CACNA1F: variants seen among roughly 807,000 people sequenced by gnomAD.
The protein encoded by CACNA1F is voltage-dependent L-type calcium channel subunit alpha-1F.
A neutral mutation model predicts 143.8 loss-of-function variants in CACNA1F; 59 were observed. The observed-to-expected ratio is 0.41, with a 90% CI of 0.33 to 0.51. The LOEUF (loss-of-function observed/expected upper bound fraction) is 0.51. Among genes scored for constraint, CACNA1F ranks in the 20% least tolerant of loss-of-function variants. The pLI is 0.22. For synonymous variants in CACNA1F, 643 were observed against 649.1 expected, an observed-to-expected ratio of 0.99 and a Z score of 0.14; for missense variants, 1,411 against 1,647.5, an observed-to-expected ratio of 0.86 and a Z score of 2.48.
intron 18 of CACNA1F, among the ~76,000 whole-genome samples, chrX:49,220,807 G>T (rs985143559): frequency 3.6e-5 from 4 of 111,759 alleles, no homozygotes; most frequent in Non-Finnish European, 7.5e-5. Context: ...GTGTGGTGGC[G>T]CATGCCTGTA....
intron 2 of CACNA1F, 143 bp downstream of exon 2, chrX:49,231,535 T>C: frequency 1.2e-6 from 1 of 824,102 alleles, no homozygotes; most frequent in Non-Finnish European, 1.8e-6. Flanking sequence ...ACCTTTGCCT[T>C]TCTGAACCTG....
At position 49,228,364 on chromosome X, in the gene CACNA1F, C is replaced by T; in HGVS notation, c.901G>A (p.Gly301Arg). ...CCTCCATTGGGCCCTGGCCAGCGCC[C>T]GCGGCACTCAGTCTGGTTCAGCGTG... Reference protein sequence around the residue: ...ACTLNQTECRGRWPGPNGGIT... With the variant: ...ACTLNQTECRRRWPGPNGGIT... Residue 301 changes from glycine to arginine, a missense_variant, in exon 7 of 48, where the codon GGG becomes AGG. By Grantham distance (125) the Gly-to-Arg change is moderately radical. This residue lies in a region of CACNA1F where 950 missense variants were observed against 1,128.1 expected (regional missense o/e 0.84). Coordinates refer to ENST00000323022, the MANE Select transcript of CACNA1F (RefSeq NM_001256789.3). The T allele has an allele frequency of 1.7e-6, 2 of 1,210,530 alleles. No homozygotes were observed. Among genetic ancestry groups the T allele is most frequent in the Middle Eastern group, 2.3e-4 (1 of 4,353 alleles).
In CACNA1F at chrX:49,208,521, G is replaced by T. The variant is rs1557105425; in HGVS notation, c.5117C>A (p.Thr1706Asn). 1 of 1,206,226 alleles carries T rather than the reference G, an allele frequency of 8.3e-7. No homozygotes were observed. Among genetic ancestry groups the T allele is most frequent in the East Asian group, 3.0e-5 (1 of 33,688 alleles). Reference protein sequence around the residue: ...QPSVPQAGSNTHRRGSGALIF... With the variant: ...QPSVPQAGSNNHRRGSGALIF... ...TCCAGACACTTGATAATACCTGTGG[G>T]TGTTGGATCCAGCCTGGGGCACACT... The change falls in exon 43 of 48, where the codon ACC becomes AAC. Residue 1706 changes from threonine to asparagine, a missense_variant. By Grantham distance (65) the Thr-to-Asn change is moderately conservative. Coordinates refer to ENST00000323022, the MANE Select transcript of CACNA1F (RefSeq NM_001256789.3).
Position 49,214,152 on chromosome X carries a change from G to A in CACNA1F, c.3708+7C>T, listed in dbSNP as rs782716515. On this transcript the variant is annotated splice_region_variant and intron_variant, in intron 30 of 47. Coordinates refer to ENST00000323022, the MANE Select transcript of CACNA1F (RefSeq NM_001256789.3). ...ACTGGTGGGTGGGGCTAGAGAAGGG[G>A]GGCCACCTTGGGCTTGAAGGCGATG... 6.3e-5 allele frequency: 71 copies of A among 1,121,047 alleles called. No homozygotes were observed. In the South Asian group the frequency reaches 1.2e-3, roughly 20 times the overall value. 92.4% of individuals were successfully genotyped at this position (1,121,047 alleles called of 1,213,427 possible). A position where few individuals can be genotyped will look rare whatever the true frequency, so the allele number is the denominator to read the frequency against.
rs191278339 is a variant in CACNA1F, at chrX:49,222,348, G to A, written c.2288+174C>T. ...TCCTCAGCATCTAGAACAGGACCTG[G>A]CACACAGTAGGCAGTCAATAGATGC... is the stretch of plus-strand genomic sequence containing the variant. On this transcript the variant is annotated intron_variant, in intron 17 of 47. Coordinates refer to ENST00000323022, the MANE Select transcript of CACNA1F (RefSeq NM_001256789.3). 6.2e-4 allele frequency: 292 copies of A among 472,736 alleles called. 1 individual carries two copies. The highest frequency in any genetic ancestry group is 5.9e-3 in the African/African-American group (250 of 42,432). 39.0% of individuals were successfully genotyped at this position (472,736 alleles called of 1,213,427 possible). A position where few individuals can be genotyped will look rare whatever the true frequency, so the allele number is the denominator to read the frequency against.
At chrX:49,216,649 T>A in intron 26 of CACNA1F, 121 bp from the exon 27 acceptor site, 1 of 623,274 alleles carries the variant, frequency 1.6e-6, no homozygotes, top group Non-Finnish European at 2.5e-6. Flanking sequence ...TAGGTTCAAA[T>A]CCTGTCCCTC....
intron 36 of CACNA1F, 112 bp from the exon 37 acceptor site, chrX:49,211,204 G>T (rs2065654378): frequency 3.6e-6 from 4 of 1,096,200 alleles, no homozygotes; most frequent in Non-Finnish European, 5.0e-6. Context: ...GGTTGATCTT[G>T]TCATCAGACC....
intron 17 of CACNA1F, among the ~76,000 whole-genome samples, chrX:49,221,451 C>T (rs1194272711): frequency 9.0e-6 from 1 of 111,149 alleles, no homozygotes; most frequent in Non-Finnish European, 1.9e-5. Flanking sequence ...CTCTATTGCT[C>T]AGGCTAGAGG....
rs782564122 is a variant in CACNA1F, at chrX:49,215,183, G to A, written c.3500C>T (p.Pro1167Leu). 4.5e-5 allele frequency: 54 copies of A among 1,208,211 alleles called. No individual in the cohort carries two copies. The highest frequency in any genetic ancestry group is 2.2e-4 in the Admixed American group (10 of 45,653). ...AGTGGCCCACACACGATACTGATGC[G>A]GGTTCTTGGGGATGTAACGGCGGAG... ...QPLRRYIPKNPHQYRVWATVN... is the reference protein window; with the variant it reads ...QPLRRYIPKNLHQYRVWATVN... Residue 1167 changes from proline to leucine, a missense_variant, in exon 29 of 48, where the codon CCG becomes CTG. Physicochemically the swap from Pro to Leu is moderately conservative, Grantham distance 98. Coordinates refer to ENST00000323022, the MANE Select transcript of CACNA1F (RefSeq NM_001256789.3).
Position 49,209,896 on chromosome X carries a change from G to A in CACNA1F, c.4690+45C>T, listed in dbSNP as rs781921700. ...GTTTTGTGGTGGAGAGCGATCATCT[G>A]CCATTCAGGGGCTGGCGCGGGGAAC... On this transcript the variant is annotated intron_variant, in intron 40 of 47. Transcript: ENST00000323022. 5 of 1,128,807 alleles carry A rather than the reference G, an allele frequency of 4.4e-6. No individual in the cohort carries two copies. The East Asian group carries it at 9.0e-5, about 20-fold the overall frequency. The allele number at this position is 1,128,807 out of a possible 1,213,427, so 93.0% of individuals were successfully genotyped here. A position where few individuals can be genotyped will look rare whatever the true frequency, so the allele number is the denominator to read the frequency against.
intron 43 of CACNA1F, 84 bp downstream of exon 43, chrX:49,208,431 C>CAAAAA: frequency 1.1e-5 from 7 of 611,266 alleles, no homozygotes; most frequent in East Asian, 3.9e-5. Context: ...CCACCCCCCT[C>CAAAAA]AACTTCCTGC....
chrX:49,231,094 C>T, intron 3 of CACNA1F, 105 bp from the exon 4 acceptor site: 1 of 791,484 alleles, frequency 1.3e-6, no homozygotes, highest in Non-Finnish European at 1.9e-6. Context: ...TGGGGCTGAG[C>T]CAGGCAGGGC....
At chrX:49,224,175 G>A (rs1197926470) in intron 14 of CACNA1F, among the ~76,000 whole-genome samples, 1 of 110,933 alleles carries the variant, frequency 9.0e-6, no homozygotes, top group Non-Finnish European at 1.9e-5. Context: ...TGGGATAGAG[G>A]AGGGGATGGG....
At chrX:49,222,319 T>C in intron 17 of CACNA1F, 1 of 447,011 alleles carries the variant, frequency 2.2e-6, no homozygotes, top group East Asian at 3.7e-5. Context: ...TGACCCCTGT[T>C]GTCTCCTCAG....
chrX:49,228,638 C>T (rs1557110623), intron 6 of CACNA1F, among the ~76,000 whole-genome samples, 191 bp from the exon 7 acceptor site: 1 of 112,539 alleles, frequency 8.9e-6, no homozygotes, highest in African/African-American at 3.2e-5. Context: ...GATCTCGGCT[C>T]ACCACAACTT....
chrX:49,211,517 G>A, intron 35 of CACNA1F, 36 bp from the exon 36 acceptor site: 1 of 1,161,797 alleles, frequency 8.6e-7, no homozygotes, highest in East Asian at 3.0e-5. Flanking sequence ...ATCCTGAAGG[G>A]GAGGCTATGA....
intron 17 of CACNA1F, 122 bp from the exon 18 acceptor site, chrX:49,221,202 A>G: frequency 1.7e-6 from 1 of 580,652 alleles, no homozygotes; most frequent in Non-Finnish European, 2.9e-6. Context: ...TGCCCCTCCC[A>G]ACAGTCCGTT....
rs2065817810 is a variant in CACNA1F at position 49,225,900 on chromosome X, G to A, written c.1651+9C>T. 1 of 1,165,839 alleles carries A rather than the reference G, an allele frequency of 8.6e-7. No individual in the cohort carries two copies. The highest frequency in any genetic ancestry group is 1.1e-6 in the Non-Finnish European group (1 of 871,341). ...GCTGGGGGAGACGACTAGCAGGCTGGGGGTGTACCCTGGATCTGGGTGAGC... is the reference window on the plus strand; with the variant it reads ...GCTGGGGGAGACGACTAGCAGGCTGAGGGTGTACCCTGGATCTGGGTGAGC... On this transcript the variant is annotated intron_variant, in intron 13 of 47. Coordinates refer to ENST00000323022, the MANE Select transcript of CACNA1F (RefSeq NM_001256789.3).
intron 3 of CACNA1F, 83 bp from the exon 4 acceptor site, chrX:49,231,072 C>A: frequency 1.1e-6 from 1 of 871,284 alleles, no homozygotes; most frequent in Non-Finnish European, 1.7e-6. Flanking sequence ...GGAGCATAGT[C>A]AGGACCGAGG....
Sources: gnomAD v4.1 joint callset for allele counts (sites outside exome capture counted in the v4.1 genomes callset) on GRCh38, gnomAD v4.1.1 for gene constraint, gnomAD v4.1.1 regional missense constraint, MANE v1.5 for transcripts, NCBI Gene and HGNC (gene_info 2026-07-23, HGNC 2026-07-21) for gene names.